Variants in RCN3 observed in about 807,000 individuals in gnomAD.
RCN3 encodes reticulocalbin 3.
A neutral mutation model predicts 35.9 loss-of-function variants in RCN3; 41 were observed. The ratio of observed to expected loss-of-function variants is 1.14; its 90% confidence interval spans 0.89 to 1.48. The LOEUF (loss-of-function observed/expected upper bound fraction) is 1.48, where lower values mean the gene tolerates loss of function less well. Ranked by LOEUF, RCN3 falls within the 40% of genes most tolerant of loss-of-function variation. The pLI is 0.00. For missense variants in RCN3, 451 were observed against 471.3 expected (o/e 0.96, Z 0.40); for synonymous variants, 187 against 193.4 (o/e 0.97, Z 0.27).
intron 4 of RCN3, among the ~76,000 whole-genome samples, chr19:49,538,720 C>G (rs748104936): frequency 2.0e-5 from 3 of 152,110 alleles, no homozygotes; most frequent in African/African-American, 2.4e-5. Context: ...TCAGAAGAAG[C>G]CCCAAAGTGC....
At position 49,543,576 on chromosome 19, in the gene RCN3, C is replaced by T. The variant is rs2080174139; in HGVS notation, c.*363C>T. On this transcript the variant is annotated 3_prime_UTR_variant, in exon 7 of 7. Coordinates refer to ENST00000270645, the MANE Select transcript of RCN3 (RefSeq NM_020650.3). ...TCCCCTGGCCCCAGCCCTCTCCTGC[C>T]TGGCCTGGCCTGGGACACCTCCTCT... is the stretch of plus-strand genomic sequence containing the variant. 3 of 248,636 alleles carry T rather than the reference C, an allele frequency of 1.2e-5. No homozygotes were observed. The highest frequency in any genetic ancestry group is 2.4e-5 in the Non-Finnish European group (3 of 124,824). 15.4% of individuals were successfully genotyped at this position (248,636 alleles called of 1,614,324 possible). A position where few individuals can be genotyped will look rare whatever the true frequency, so the allele number is the denominator to read the frequency against.
At chr19:49,537,311 G>T in intron 4 of RCN3, 106 bp downstream of exon 4, 7 of 1,163,888 alleles carry the variant, frequency 6.0e-6, no homozygotes, top group African/African-American at 1.6e-5. Context: ...CAGTCACCTG[G>T]TTCTCCAGCA....
Position 49,543,235 on chromosome 19 carries a change from C to G in RCN3, c.*22C>G. ...GTGAGCACCGCGCACCTGCCACAGC[C>G]TCAGAGGCCCGCACAATGACCGGAG... is the stretch of plus-strand genomic sequence containing the variant. On this transcript the variant is annotated 3_prime_UTR_variant, in exon 7 of 7. Transcript: ENST00000270645. 1 of 1,579,504 alleles carries G rather than the reference C, an allele frequency of 6.3e-7. No homozygotes were observed. Among genetic ancestry groups the G allele is most frequent in the South Asian group, 1.1e-5 (1 of 89,892 alleles).
chr19:49,537,440 C>T (rs1038064041), intron 4 of RCN3, among the ~76,000 whole-genome samples: 1 of 152,160 alleles, frequency 6.6e-6, no homozygotes, highest in Non-Finnish European at 1.5e-5. Context: ...CCTGTGCTCG[C>T]ATTTGGGGTC....
At position 49,543,253 on chromosome 19, in the gene RCN3, G is replaced by C. The variant is rs1168615435; in HGVS notation, c.*40G>C. 1 of 1,527,012 alleles carries C rather than the reference G, an allele frequency of 6.5e-7. No homozygotes were observed. The highest frequency in any genetic ancestry group is 1.7e-5 in the Admixed American group (1 of 58,044). 94.6% of individuals were successfully genotyped at this position (1,527,012 alleles called of 1,614,324 possible). On this transcript the variant is annotated 3_prime_UTR_variant, in exon 7 of 7. Transcript: ENST00000270645. Reference sequence around the variant, plus strand: ...CCACAGCCTCAGAGGCCCGCACAATGACCGGAGGAGGGGCCGCTGTGGTCT... The same window carrying C: ...CCACAGCCTCAGAGGCCCGCACAATCACCGGAGGAGGGGCCGCTGTGGTCT...
At chr19:49,537,296 G>A in intron 4 of RCN3, 91 bp downstream of exon 4, 1 of 1,251,110 alleles carries the variant, frequency 8.0e-7, no homozygotes, top group Non-Finnish European at 1.1e-6. Flanking sequence ...CGACCTGGGG[G>A]CAGGCAGTCA....
At chr19:49,535,666 A>G (rs993726992) in intron 3 of RCN3, among the ~76,000 whole-genome samples, 1 of 151,950 alleles carries the variant, frequency 6.6e-6, no homozygotes, top group Non-Finnish European at 1.5e-5. Context: ...AGCCTGGCCA[A>G]TGTGGCAAAA....
At chr19:49,539,271 T>A in intron 5 of RCN3, 92 bp downstream of exon 5, 9 of 1,016,376 alleles carry the variant, frequency 8.9e-6, no homozygotes, top group Non-Finnish European at 1.2e-5. Flanking sequence ...TCACCCATCA[T>A]CAGAGAACAG....
At chr19:49,537,307 C>T (rs2080141158) in intron 4 of RCN3, 102 bp downstream of exon 4, 1 of 1,188,208 alleles carries the variant, frequency 8.4e-7, no homozygotes. Context: ...CAGGCAGTCA[C>T]CTGGTTCTCC....
chr19:49,532,088 A>G lies in RCN3; in HGVS notation c.243-2105A>G, dbSNP rs1417799297. Among the ~76,000 whole-genome samples the G allele has an allele frequency of 2.3e-5, 3 of 131,664 alleles. No homozygotes were observed. The East Asian group carries it at 6.9e-4, about 30-fold the overall frequency. The allele number at this position is 131,664 out of a possible 152,430, so 86.4% of individuals were successfully genotyped here. On this transcript the variant is annotated intron_variant, in intron 2 of 6. Coordinates refer to ENST00000270645, the MANE Select transcript of RCN3 (RefSeq NM_020650.3). Reference sequence around the variant, plus strand: ...AGCACTGGGATTACAGGCGTGAGCCATGGCGCCTGGCCTTTTTTTTTTTTT... The same window carrying G: ...AGCACTGGGATTACAGGCGTGAGCCGTGGCGCCTGGCCTTTTTTTTTTTTT...
rs149791944 is a variant in RCN3 at position 49,541,430 on chromosome 19, C to T, written c.680-1123C>T. On this transcript the variant is annotated intron_variant, in intron 5 of 6. Transcript: ENST00000270645. The stretch of plus-strand genomic sequence containing the variant: ...GGCTCTGGCACCTATTTCTTAACTC[C>T]TCCCCAACCAGTAACATATCAAAAT... Among the ~76,000 whole-genome samples, 906 of 152,220 alleles carry T rather than the reference C, an allele frequency of 6.0e-3. 10 individuals are homozygous for T. Among genetic ancestry groups the T allele is most frequent in the African/African-American group, 0.021 (869 of 41,538 alleles).
In RCN3 at chr19:49,543,136, G is replaced by A. The variant is rs530312972; in HGVS notation, c.910G>A (p.Gly304Ser). ...DGRLSKAEILGNWNMFVGSQA... is the reference protein window; with the variant it reads ...DGRLSKAEILSNWNMFVGSQA... Reference sequence around the variant, plus strand: ...GCGGCTGAGCAAAGCGGAAATCCTGGGTAATTGGAACATGTTTGTGGGCAG... The same window carrying A: ...GCGGCTGAGCAAAGCGGAAATCCTGAGTAATTGGAACATGTTTGTGGGCAG... The change falls in exon 7 of 7, where the codon GGT becomes AGT. Residue 304 changes from glycine to serine, a missense_variant. Physicochemically the swap from Gly to Ser is moderately conservative, Grantham distance 56. Transcript: ENST00000270645. 11 of 1,614,104 alleles carry A rather than the reference G, an allele frequency of 6.8e-6. No homozygotes were observed. The South Asian group carries it at 1.1e-4, about 16-fold the overall frequency.
At position 49,534,225 on chromosome 19, in the gene RCN3, A is replaced by G; in HGVS notation, c.275A>G (p.Asp92Gly). ...RIVDRMDRAG[D>G]GDGWVSLAEL... is the part of the protein sequence containing the mutation. ...GTGGACCGCATGGACCGCGCGGGGG[A>G]CGGCGACGGCTGGGTGTCGCTGGCC... Residue 92 changes from aspartate (D) to glycine (G), a missense_variant, in exon 3 of 7, where the codon GAC becomes GGC. Transcript: ENST00000270645. 3 of 1,478,072 alleles carry G rather than the reference A, an allele frequency of 2.0e-6. No individual in the cohort carries two copies. The highest frequency in any genetic ancestry group is 2.3e-5 in the Admixed American group (1 of 43,538). The allele number at this position is 1,478,072 out of a possible 1,614,324, so 91.6% of individuals were successfully genotyped here.
intron 5 of RCN3, among the ~76,000 whole-genome samples, chr19:49,541,088 G>A (rs1394995376): frequency 2.0e-5 from 3 of 151,932 alleles, no homozygotes; most frequent in Non-Finnish European, 2.9e-5. Flanking sequence ...GCACTACCAC[G>A]CCTGGCTAAT....
At chr19:49,528,320 T>A in intron 1 of RCN3, 147 bp from the exon 2 acceptor site, 3 of 669,170 alleles carry the variant, frequency 4.5e-6, no homozygotes, top group Non-Finnish European at 4.6e-6. Flanking sequence ...TTTTCCCCCA[T>A]CGCCCGCCCT....
At chr19:49,536,967 T>C in intron 3 of RCN3, 66 bp from the exon 4 acceptor site, 1 of 1,393,884 alleles carries the variant, frequency 7.2e-7, no homozygotes, top group South Asian at 1.6e-5. Flanking sequence ...TTACTTTGTC[T>C]TTGTTTTAAC....
chr19:49,541,909 G>T (rs539108984), intron 5 of RCN3, among the ~76,000 whole-genome samples: 1 of 152,028 alleles, frequency 6.6e-6, no homozygotes, highest in African/African-American at 2.4e-5. Flanking sequence ...GAACCTGGGA[G>T]GCAGAGGTTG....
chr19:49,528,640 T>C lies in RCN3; in HGVS notation c.168T>C (p.His56=). The C allele has an allele frequency of 1.9e-6, 3 of 1,612,084 alleles. No individual in the cohort carries two copies. The highest frequency in any genetic ancestry group is 2.5e-6 in the Non-Finnish European group (3 of 1,179,190). The change falls in exon 2 of 7, where the codon CAT becomes CAC. Residue 56 remains histidine, a synonymous_variant. Coordinates refer to ENST00000270645, the MANE Select transcript of RCN3 (RefSeq NM_020650.3). ...CCCACGGGAACTTCCAGTACGACCA[T>C]GAGGCTTTCCTGGGACGGGAAGTGG... The part of the protein sequence containing the change: ...DDAHGNFQYD[H]EAFLGREVAK...
In RCN3 at chr19:49,537,261, C is replaced by T. The variant is rs139481372; in HGVS notation, c.618+56C>T. On this transcript the variant is annotated intron_variant, in intron 4 of 6. Coordinates refer to ENST00000270645, the MANE Select transcript of RCN3 (RefSeq NM_020650.3). ...ACACCCTTCCGGGGACCCAGGCTTCCGGTTCAGGTCCTGCTTCCCAGCACC... is the reference window on the plus strand; with the variant it reads ...ACACCCTTCCGGGGACCCAGGCTTCTGGTTCAGGTCCTGCTTCCCAGCACC... 1,259 of 1,413,986 alleles carry T rather than the reference C, an allele frequency of 8.9e-4. 12 individuals are homozygous for T. In the East Asian group the frequency reaches 0.028, roughly 31 times the overall value. The allele number at this position is 1,413,986 out of a possible 1,614,324, so 87.6% of individuals were successfully genotyped here.
Sources: gnomAD v4.1 joint callset for allele counts (sites outside exome capture counted in the v4.1 genomes callset) on GRCh38, gnomAD v4.1.1 for gene constraint, MANE v1.5 for transcripts, NCBI Gene and HGNC (gene_info 2026-07-23, HGNC 2026-07-21) for gene names.